PRICKLE2: variants seen among roughly 807,000 people sequenced by gnomAD.
The protein encoded by PRICKLE2 is prickle-like protein 2.
In PRICKLE2, 21 loss-of-function variants were observed where a neutral mutation model predicts 81.4. The ratio of observed to expected loss-of-function variants is 0.26; its 90% confidence interval spans 0.18 to 0.37. The LOEUF is 0.37. Ranked by LOEUF, PRICKLE2 falls within the 10% of genes least tolerant of loss-of-function variation. The probability of loss-of-function intolerance (pLI) is 1.00; values close to 1 mark genes in which losing one functional copy is unlikely to be tolerated. For missense variants in PRICKLE2, 940 were observed against 1,109.0 expected (o/e 0.85, Z 2.16); for synonymous variants, 456 against 421.5 (o/e 1.08, Z -1.00).
Position 64,147,326 on chromosome 3 carries a change from G to C in PRICKLE2, c.1164C>G (p.Leu388=). 1 of 1,614,104 alleles carries C rather than the reference G, an allele frequency of 6.2e-7. No individual in the cohort carries two copies. The highest frequency in any genetic ancestry group is 8.5e-7 in the Non-Finnish European group (1 of 1,180,004). The change falls in exon 7 of 8, where the codon CTC becomes CTG. Residue 388 remains leucine (L), a synonymous_variant. Coordinates refer to ENST00000638394, the MANE Select transcript of PRICKLE2 (RefSeq NM_198859.4). This position sits in a 1 kb window ranked among gnomAD's most constrained non-coding sequence, Gnocchi z 5.0. ...MLSLSSQTPS[L]NRDPIWRSRE... ...GGCTCCTCCAGATGGGGTCCCGGTT[G>C]AGGCTGGGTGTCTGGCTGGACAGGC...
At chr3:64,223,136 T>A (rs1196206988) in intron 1 of PRICKLE2, among the ~76,000 whole-genome samples, 1 of 152,366 alleles carries the variant, frequency 6.6e-6, no homozygotes, top group East Asian at 1.9e-4. Flanking sequence ...GATGTGAACA[T>A]GTTGCCTTTT....
chr3:64,216,907 G>A (rs182324352), intron 1 of PRICKLE2, among the ~76,000 whole-genome samples: 8 of 152,308 alleles, frequency 5.3e-5, no homozygotes, highest in Admixed American at 1.3e-4. Context: ...TTTCCAGTCC[G>A]TGGCAAGCTT....
intron 4 of PRICKLE2, 128 bp from the exon 5 acceptor site, chr3:64,157,493 C>A: frequency 1.0e-6 from 1 of 955,730 alleles, no homozygotes; most frequent in Non-Finnish European, 1.6e-6. Flanking sequence ...CACTATGCTT[C>A]CTGCTTTACA....
chr3:64,146,721 G>A lies in PRICKLE2; in HGVS notation c.1660+109C>T, dbSNP rs2077460191. 3.2e-6 allele frequency: 4 copies of A among 1,244,342 alleles called. No individual in the cohort carries two copies. The South Asian group carries it at 5.0e-5, about 16-fold the overall frequency. The allele number at this position is 1,244,342 out of a possible 1,614,324, so 77.1% of individuals were successfully genotyped here. On this transcript the variant is annotated intron_variant, in intron 7 of 7. Transcript: ENST00000638394. ...TCGTGCCACTGCACTCCAGCCTGGG[G>A]GACAGAGCGAGACTCCATTTCAAAA...
intron 2 of PRICKLE2, among the ~76,000 whole-genome samples, chr3:64,178,959 C>A (rs1455477026): frequency 4.7e-5 from 7 of 150,166 alleles, no homozygotes; most frequent in Middle Eastern, 3.2e-3. Flanking sequence ...ATCTAACATA[C>A]ATATTTTCTT....
chr3:64,159,770 C>T (rs1002889075), intron 4 of PRICKLE2, 170 bp downstream of exon 4: 3 of 776,032 alleles, frequency 3.9e-6, no homozygotes, highest in African/African-American at 3.4e-5. Context: ...TGTCTGACTT[C>T]CTCCCCTAGA....
intron 7 of PRICKLE2, among the ~76,000 whole-genome samples, chr3:64,135,504 AACACTACGT>A (rs2106994147): frequency 6.6e-6 from 1 of 152,254 alleles, no homozygotes; most frequent in African/African-American, 2.4e-5. Context: ...CACCAAGGAA[AACACTACGT>A]GTTTTCTTAG....
intron 7 of PRICKLE2, among the ~76,000 whole-genome samples, chr3:64,109,450 C>T (rs2076808592): frequency 6.6e-6 from 1 of 152,174 alleles, no homozygotes; most frequent in Non-Finnish European, 1.5e-5. Flanking sequence ...CAGCAGATCA[C>T]AAGTTGGCTT....
intron 2 of PRICKLE2, among the ~76,000 whole-genome samples, chr3:64,193,724 C>A (rs1248117178): frequency 1.3e-5 from 2 of 152,122 alleles, no homozygotes; most frequent in African/African-American, 2.4e-5. Flanking sequence ...TGGGGCAGGT[C>A]TTTCCCATGA....
At chr3:64,137,782 T>C (rs1175382570) in intron 7 of PRICKLE2, among the ~76,000 whole-genome samples, 1 of 152,160 alleles carries the variant, frequency 6.6e-6, no homozygotes, top group African/African-American at 2.4e-5. Context: ...GGTTTTCATC[T>C]GGCCCCTGGT....
intron 3 of PRICKLE2, among the ~76,000 whole-genome samples, chr3:64,161,402 G>T (rs1290609398): frequency 1.3e-5 from 2 of 152,134 alleles, no homozygotes; most frequent in Non-Finnish European, 2.9e-5. Context: ...TGGTTAGAGG[G>T]AAACCTTGGA....
chr3:64,148,330 T>C lies in PRICKLE2; in HGVS notation c.788-628A>G, dbSNP rs539344668. Among the ~76,000 whole-genome samples, 15 of 152,340 alleles carry C rather than the reference T, an allele frequency of 9.8e-5. No individual in the cohort carries two copies. In the South Asian group the frequency reaches 1.4e-3, roughly 15 times the overall value. Reference sequence around the variant, plus strand: ...TCTCCACCCTTACCTGCTGGAGTTTTCTTGATAGCATTAATACCGCTTTAC... The same window carrying C: ...TCTCCACCCTTACCTGCTGGAGTTTCCTTGATAGCATTAATACCGCTTTAC... On this transcript the variant is annotated intron_variant, in intron 6 of 7. Coordinates refer to ENST00000638394, the MANE Select transcript of PRICKLE2 (RefSeq NM_198859.4).
chr3:64,168,393 A>C (rs1277795873), intron 2 of PRICKLE2, among the ~76,000 whole-genome samples: 1 of 152,120 alleles, frequency 6.6e-6, no homozygotes, highest in African/African-American at 2.4e-5. Flanking sequence ...GCAAAAAAAA[A>C]ATCTCATAAT....
chr3:64,093,003 C>G lies in PRICKLE2; in HGVS notation c.*6048G>C, dbSNP rs916089870. ...CATCTTGCCATAATGAAACTCTATA[C>G]CCATTAAATAGTAACTCCCCATTCC... On this transcript the variant is annotated 3_prime_UTR_variant, in exon 8 of 8. Transcript: ENST00000638394. 3.9e-5 allele frequency: 6 copies of G among 153,240 alleles called. No homozygotes were observed. The highest frequency in any genetic ancestry group is 1.4e-4 in the African/African-American group (6 of 41,576). The allele number at this position is 153,240 out of a possible 1,614,324, so 9.5% of individuals were successfully genotyped here.
chr3:64,266,265 A>G (rs997072463), intron 2 of PRICKLE2, among the ~76,000 whole-genome samples: 19 of 152,308 alleles, frequency 1.2e-4, no homozygotes, highest in African/African-American at 4.3e-4. Context: ...CAGAAGAAGA[A>G]CGGTTTTCTG....
At chr3:64,127,490 T>C (rs930317616) in intron 7 of PRICKLE2, among the ~76,000 whole-genome samples, 1 of 152,180 alleles carries the variant, frequency 6.6e-6, no homozygotes. Flanking sequence ...CTGACTCTCA[T>C]GAACCCCCTA....
chr3:64,239,230 A>G (rs2079226260), intron 2 of PRICKLE2, among the ~76,000 whole-genome samples: 1 of 152,108 alleles, frequency 6.6e-6, no homozygotes, highest in Non-Finnish European at 1.5e-5. Context: ...TGGAGCACAC[A>G]GAGCCCTGCT....
At chr3:64,179,532 T>C (rs554795521) in intron 2 of PRICKLE2, among the ~76,000 whole-genome samples, 1 of 152,320 alleles carries the variant, frequency 6.6e-6, no homozygotes, top group South Asian at 2.1e-4. Context: ...CACTTGTTTA[T>C]TCAGTCTGTG....
chr3:64,153,266 T>C lies in PRICKLE2; in HGVS notation c.703A>G (p.Ile235Val). 1.2e-6 allele frequency: 2 copies of C among 1,614,182 alleles called. No individual in the cohort carries two copies. Among genetic ancestry groups the C allele is most frequent in the Non-Finnish European group, 1.7e-6 (2 of 1,180,010 alleles). The change falls in exon 6 of 8, where the codon ATC becomes GTC. Residue 235 changes from isoleucine (I) to valine (V), a missense_variant. Around this residue, in one of 2 missense-constraint regions of PRICKLE2, gnomAD observed 270 missense variants for 391.8 expected, o/e 0.69. Transcript: ENST00000638394. ...CETVLGGQRYIMKEGRPYCCH... is the reference protein window; with the variant it reads ...CETVLGGQRYVMKEGRPYCCH... ...CAGTAGGGTCTTCCCTCCTTCATGA[T>C]GTAGCGCTGGCCGCCCAGCACTGTC...
Sources: gnomAD v4.1 joint callset for allele counts (sites outside exome capture counted in the v4.1 genomes callset) on GRCh38, gnomAD v4.1.1 for gene constraint, gnomAD v4.1.1 regional missense constraint, Gnocchi (gnomAD v3.1) non-coding constraint, MANE v1.5 for transcripts, NCBI Gene and HGNC (gene_info 2026-07-23, HGNC 2026-07-21) for gene names.